KCNQ5: variants seen among roughly 807,000 people sequenced by gnomAD.
The protein encoded by KCNQ5 is potassium voltage-gated channel subfamily KQT member 5.
In KCNQ5, 30 loss-of-function variants were observed where a neutral mutation model predicts 98.2. The ratio of observed to expected loss-of-function variants is 0.31; its 90% CI spans 0.23 to 0.41. The LOEUF (loss-of-function observed/expected upper bound fraction) is 0.41, where lower values mean the gene tolerates loss of function less well. Ranked by LOEUF, KCNQ5 falls within the 10% of genes least tolerant of loss-of-function variation. The pLI, the probability that KCNQ5 is intolerant of heterozygous loss-of-function variation, is 1.00. For synonymous variants in KCNQ5, 458 were observed against 449.4 expected, an observed-to-expected ratio of 1.02 and a Z score of -0.24; for missense variants, 835 against 1,182.5, an observed-to-expected ratio of 0.71 and a Z score of 4.31.
At chr6:72,784,361 A>G (rs1773632785) in intron 1 of KCNQ5, among the ~76,000 whole-genome samples, 1 of 152,212 alleles carries the variant, frequency 6.6e-6, no homozygotes, top group Admixed American at 6.5e-5. Flanking sequence ...AGAGAACCAG[A>G]TAAGTGGATG....
chr6:72,808,425 T>C (rs1244482225), intron 1 of KCNQ5, among the ~76,000 whole-genome samples: 1 of 152,124 alleles, frequency 6.6e-6, no homozygotes, highest in Admixed American at 6.6e-5. Context: ...AGTTGTTCTG[T>C]GCAAGAGGGT....
rs528622654 is a variant in KCNQ5, at chr6:72,727,123, A to G, written c.398+104536A>G. ...TTCTTGAAATTGAGTAAATGTAACC[A>G]TTAATTTTAAACTGTGATGAGCCAT... On this transcript the variant is annotated intron_variant, in intron 1 of 13. Transcript: ENST00000370398. Among the ~76,000 whole-genome samples, 3 of 152,380 alleles carry G rather than the reference A, an allele frequency of 2.0e-5. No homozygotes were observed. The South Asian group carries it at 6.2e-4, about 32-fold the overall frequency.
intron 1 of KCNQ5, among the ~76,000 whole-genome samples, chr6:72,792,708 G>A (rs1201080417): frequency 2.0e-5 from 3 of 152,088 alleles, no homozygotes; most frequent in Admixed American, 6.6e-5. Context: ...TTTGGCAAAG[G>A]AGCCTTATTA....
intron 1 of KCNQ5, among the ~76,000 whole-genome samples, chr6:72,732,382 A>G (rs1013609221): frequency 2.0e-5 from 3 of 152,100 alleles, no homozygotes; most frequent in Admixed American, 6.5e-5. Context: ...GTGTGGATGT[A>G]TATGAGGGAA....
Position 72,959,789 on chromosome 6 carries a change from C to T in KCNQ5, c.399-44119C>T, listed in dbSNP as rs182823485. On this transcript the variant is annotated intron_variant, in intron 1 of 13. Transcript: ENST00000370398. ...CTGTTGGTGAATGAAATTTTATAAACTTGAGAATCCGGGAGATTCACGACA... is the reference window on the plus strand; with the variant it reads ...CTGTTGGTGAATGAAATTTTATAAATTTGAGAATCCGGGAGATTCACGACA... Among the ~76,000 whole-genome samples, 689 of 152,220 alleles carry T rather than the reference C, an allele frequency of 4.5e-3. 6 individuals are homozygous for T. The highest frequency in any genetic ancestry group is 0.016 in the African/African-American group (659 of 41,516).
chr6:72,850,546 G>A (rs1270149073), intron 1 of KCNQ5, among the ~76,000 whole-genome samples: 1 of 152,166 alleles, frequency 6.6e-6, no homozygotes, highest in Non-Finnish European at 1.5e-5. Context: ...TCTCCTGTGG[G>A]AATAATAATC....
intron 1 of KCNQ5, among the ~76,000 whole-genome samples, chr6:72,642,899 A>G (rs1447995322): frequency 6.6e-6 from 1 of 152,228 alleles, no homozygotes; most frequent in African/African-American, 2.4e-5. Flanking sequence ...AAAATGTGGT[A>G]CATGTATTCT....
intron 1 of KCNQ5, among the ~76,000 whole-genome samples, chr6:72,924,799 C>T (rs1314322619): frequency 6.6e-6 from 1 of 152,166 alleles, no homozygotes; most frequent in Non-Finnish European, 1.5e-5. Flanking sequence ...AAACCCAGGA[C>T]ATTGGGTCAC....
At chr6:73,091,716 G>GTTTT (rs143000453) in intron 5 of KCNQ5, among the ~76,000 whole-genome samples, 3 of 14,872 alleles carry the variant, frequency 2.0e-4, no homozygotes, top group East Asian at 2.1e-3. Context: ...GTTTGGTTGG[G>GTTTT]TTTGTTTTTG....
At position 72,863,386 on chromosome 6, in the gene KCNQ5, A is replaced by C. The variant is rs16882962; in HGVS notation, c.399-140522A>C. On this transcript the variant is annotated intron_variant, in intron 1 of 13. Coordinates refer to ENST00000370398, the MANE Select transcript of KCNQ5 (RefSeq NM_019842.4). ...CACCATAAATCACACTCACTTTAGA[A>C]ATACGTTTTTCTTTGATCCAAATGT... Among the ~76,000 whole-genome samples the C allele has an allele frequency of 4.8e-3, 734 of 152,298 alleles. 11 individuals are homozygous for C. Among genetic ancestry groups the C allele is most frequent in the East Asian group, 0.025 (128 of 5,188 alleles).
intron 1 of KCNQ5, among the ~76,000 whole-genome samples, chr6:72,753,281 T>C (rs555427487): frequency 6.6e-6 from 1 of 152,232 alleles, no homozygotes; most frequent in East Asian, 1.9e-4. Flanking sequence ...TGTGTATCAT[T>C]CCCTTATTTC....
chr6:73,163,575 C>T (rs1777691039), intron 10 of KCNQ5, among the ~76,000 whole-genome samples: 2 of 152,068 alleles, frequency 1.3e-5, no homozygotes, highest in African/African-American at 4.8e-5. Flanking sequence ...GGCGAAACCC[C>T]GTCTCTACTA....
chr6:73,085,138 G>C (rs1298157523), intron 5 of KCNQ5, among the ~76,000 whole-genome samples: 1 of 152,136 alleles, frequency 6.6e-6, no homozygotes, highest in Non-Finnish European at 1.5e-5. Flanking sequence ...AAATGCAGCT[G>C]GTCCTTGACT....
intron 1 of KCNQ5, among the ~76,000 whole-genome samples, chr6:72,648,335 A>G (rs1277214595): frequency 6.6e-6 from 1 of 152,174 alleles, no homozygotes; most frequent in Non-Finnish European, 1.5e-5. Context: ...GTAATAGAAA[A>G]AAATGAAAAT....
At chr6:72,680,990 G>T (rs1565076456) in intron 1 of KCNQ5, among the ~76,000 whole-genome samples, 1 of 152,192 alleles carries the variant, frequency 6.6e-6, no homozygotes, top group Non-Finnish European at 1.5e-5. Context: ...CAAATCAGAA[G>T]CTGCTGGAAA....
In KCNQ5 at chr6:72,628,813, A is replaced by T. The variant is rs377127398; in HGVS notation, c.398+6226A>T. Among the ~76,000 whole-genome samples, 7 of 152,134 alleles carry T rather than the reference A, an allele frequency of 4.6e-5. No homozygotes were observed. The East Asian group carries it at 7.7e-4, about 17-fold the overall frequency. On this transcript the variant is annotated intron_variant, in intron 1 of 13. Transcript: ENST00000370398. ...TTTTTAGTAGAGATGGGGTTTCGCT[A>T]TGTTGGCCAGGCTGGTCTCATTCTC...
intron 1 of KCNQ5, among the ~76,000 whole-genome samples, chr6:72,813,336 T>C (rs956772141): frequency 2.6e-5 from 4 of 152,212 alleles, no homozygotes; most frequent in Non-Finnish European, 4.4e-5. Context: ...TTTTTTTCCA[T>C]AAAGTCTGTA....
intron 9 of KCNQ5, among the ~76,000 whole-genome samples, chr6:73,126,582 A>G (rs1308914950): frequency 6.6e-6 from 1 of 152,204 alleles, no homozygotes; most frequent in Non-Finnish European, 1.5e-5. Flanking sequence ...CTCTGCATGC[A>G]GCAGACTGAG....
chr6:72,665,109 A>T lies in KCNQ5; in HGVS notation c.398+42522A>T, dbSNP rs549468827. 8.9e-4 allele frequency among the ~76,000 whole-genome samples: 136 copies of T among 152,238 alleles called. 1 individual carries two copies. Among genetic ancestry groups the T allele is most frequent in the African/African-American group, 3.1e-3 (127 of 41,544 alleles). On this transcript the variant is annotated intron_variant, in intron 1 of 13. Transcript: ENST00000370398. Reference sequence around the variant, plus strand: ...ACGCCTGTAATCCCAGCACTTTGGGAGGCCACGGTAGGTGTATCACTTGAG... The same window carrying T: ...ACGCCTGTAATCCCAGCACTTTGGGTGGCCACGGTAGGTGTATCACTTGAG...
Sources: allele counts gnomAD v4.1 joint callset (sites outside exome capture counted in the v4.1 genomes callset), GRCh38; gene constraint gnomAD v4.1.1; transcripts MANE v1.5; gene names NCBI Gene and HGNC (gene_info 2026-07-23, HGNC 2026-07-21).